SPAG17: variants seen among roughly 807,000 people sequenced by gnomAD.
SPAG17 encodes sperm associated antigen 17, also known as sperm-associated antigen 17.
In SPAG17, 169 loss-of-function variants were observed where a neutral mutation model predicts 273.6. The observed-to-expected ratio is 0.62, with a 90% CI of 0.55 to 0.70. The LOEUF (loss-of-function observed/expected upper bound fraction) is 0.70. Ranked by LOEUF, SPAG17 falls within the 30% of genes least tolerant of loss-of-function variation. The pLI, the probability that SPAG17 is intolerant of heterozygous loss-of-function variation, is 0.00. For synonymous variants in SPAG17, 825 were observed against 873.2 expected (o/e 0.94, Z 0.97); for missense variants, 2,557 against 2,627.8 (o/e 0.97, Z 0.59).
In SPAG17 at chr1:118,025,325, C is replaced by G; in HGVS notation, c.3822G>C (p.Thr1274=). ...QRVKHYEFYK[T]VMPPAEQEAS... is the part of the protein sequence containing the mutation. ...CCTCCTGCTCTGCGGGTGGCATCAC[C>G]GTTTTATAGAACTCATAGTGCTTCA... is the stretch of plus-strand genomic sequence containing the variant. The change falls in exon 27 of 49, where the codon ACG becomes ACC. Residue 1274 remains threonine, a synonymous_variant. Transcript: ENST00000336338. 1 of 1,613,522 alleles carries G rather than the reference C, an allele frequency of 6.2e-7. No homozygotes were observed. Among genetic ancestry groups the G allele is most frequent in the South Asian group, 1.1e-5 (1 of 91,016 alleles).
chr1:118,080,336 A>C (rs1308054749), intron 15 of SPAG17, among the ~76,000 whole-genome samples: 1 of 152,182 alleles, frequency 6.6e-6, no homozygotes, highest in East Asian at 1.9e-4. Context: ...TGGAGGATAT[A>C]TTGTGAGGGA....
At chr1:118,056,607 G>A (rs1193847557) in intron 18 of SPAG17, among the ~76,000 whole-genome samples, 1 of 152,106 alleles carries the variant, frequency 6.6e-6, no homozygotes, top group African/African-American at 2.4e-5. Flanking sequence ...GAGGACATTA[G>A]TTATAAGATT....
chr1:118,126,204 T>C (rs547156973), intron 3 of SPAG17, among the ~76,000 whole-genome samples: 7 of 39,064 alleles, frequency 1.8e-4, no homozygotes, highest in African/African-American at 3.8e-4. Flanking sequence ...TCCTTTATCC[T>C]TTTTTTTTTT....
chr1:118,018,897 T>A (rs936557046), intron 28 of SPAG17, among the ~76,000 whole-genome samples: 2 of 151,820 alleles, frequency 1.3e-5, no homozygotes, highest in Non-Finnish European at 1.5e-5. Context: ...ATAAACGGAC[T>A]AAAACATCTA....
chr1:117,970,341 C>G (rs1438576931), intron 45 of SPAG17, among the ~76,000 whole-genome samples: 1 of 152,234 alleles, frequency 6.6e-6, no homozygotes, highest in Non-Finnish European at 1.5e-5. Flanking sequence ...CGGGCTCCAA[C>G]CTGAGTTTCA....
intron 3 of SPAG17, among the ~76,000 whole-genome samples, chr1:118,142,668 C>G (rs1436049999): frequency 6.6e-6 from 1 of 152,124 alleles, no homozygotes; most frequent in African/African-American, 2.4e-5. Context: ...GTAATCACCA[C>G]TACAGCTTTA....
At chr1:118,146,517 T>C (rs1424502393) in intron 3 of SPAG17, among the ~76,000 whole-genome samples, 5 of 152,226 alleles carry the variant, frequency 3.3e-5, no homozygotes, top group Admixed American at 1.3e-4. Context: ...GCCATCAAAA[T>C]ATGTACGGAA....
At chr1:118,066,959 C>T in intron 17 of SPAG17, 60 bp from the exon 18 acceptor site, 1 of 1,478,378 alleles carries the variant, frequency 6.8e-7, no homozygotes, top group Non-Finnish European at 9.1e-7. Flanking sequence ...AGAAGGGTCT[C>T]CTACTAGGGC....
intron 42 of SPAG17, among the ~76,000 whole-genome samples, chr1:117,981,704 G>A (rs1655834310): frequency 6.6e-6 from 1 of 152,208 alleles, no homozygotes. Context: ...GTTGTGTTAT[G>A]TAGAAGAGGC....
chr1:118,039,013 G>C (rs12125194), intron 23 of SPAG17, among the ~76,000 whole-genome samples: 1 of 151,710 alleles, frequency 6.6e-6, no homozygotes, highest in Non-Finnish European at 1.5e-5. Context: ...ACATGTGTAC[G>C]GGAAGAGGGC....
At chr1:118,155,272 G>T (rs899909688) in intron 1 of SPAG17, among the ~76,000 whole-genome samples, 1 of 152,186 alleles carries the variant, frequency 6.6e-6, no homozygotes, top group African/African-American at 2.4e-5. Context: ...TAAATGCAGA[G>T]AAACTGGCTG....
In SPAG17 at chr1:118,091,648, T is replaced by G. The variant is rs753392925; in HGVS notation, c.1317A>C (p.Glu439Asp). 1 of 1,612,508 alleles carries G rather than the reference T, an allele frequency of 6.2e-7. No homozygotes were observed. Residue 439 changes from glutamate to aspartate, a missense_variant, in exon 10 of 49, where the codon GAA (glutamate) becomes GAC (aspartate). Physicochemically the swap from Glu to Asp is conservative, Grantham distance 45. Coordinates refer to ENST00000336338, the MANE Select transcript of SPAG17 (RefSeq NM_206996.4). Reference sequence around the variant, plus strand: ...GCAGTATCAGGGGCACAGAAATGAATTCCTCTCGAATTGGATTCAGCAAAT... The same window carrying G: ...GCAGTATCAGGGGCACAGAAATGAAGTCCTCTCGAATTGGATTCAGCAAAT... ...YNYLLNPIRE[E>D]FISVPLILHC... is the part of the protein sequence containing the mutation.
intron 18 of SPAG17, 56 bp downstream of exon 18, chr1:118,066,689 C>A: frequency 6.7e-7 from 1 of 1,482,940 alleles, no homozygotes; most frequent in Non-Finnish European, 9.2e-7. Flanking sequence ...AACTAAGTAA[C>A]TGGCAAGCTA....
At chr1:118,128,108 A>G (rs1558032478) in intron 3 of SPAG17, among the ~76,000 whole-genome samples, 1 of 152,136 alleles carries the variant, frequency 6.6e-6, no homozygotes, top group East Asian at 1.9e-4. Context: ...GCGACACAGC[A>G]AGATTCCATT....
At chr1:117,957,012 C>T (rs949756492) in intron 48 of SPAG17, 2 of 1,411,168 alleles carry the variant, frequency 1.4e-6, no homozygotes, top group South Asian at 3.0e-5. Context: ...TAAAAATTGA[C>T]CATGTTAACA....
At chr1:118,071,631 C>A (rs986643589) in intron 17 of SPAG17, among the ~76,000 whole-genome samples, 7 of 151,256 alleles carry the variant, frequency 4.6e-5, no homozygotes, top group African/African-American at 1.7e-4. Flanking sequence ...GGCGACACAG[C>A]GAGACATCAT....
intron 44 of SPAG17, among the ~76,000 whole-genome samples, chr1:117,973,012 C>T (rs560451921): frequency 1.3e-3 from 197 of 152,282 alleles, no homozygotes; most frequent in Non-Finnish European, 2.4e-3. Flanking sequence ...GTCATGGCAA[C>T]GGTGGCCAAT....
intron 29 of SPAG17, among the ~76,000 whole-genome samples, chr1:118,014,387 T>C (rs567637669): frequency 6.6e-6 from 1 of 152,262 alleles, no homozygotes; most frequent in East Asian, 1.9e-4. Context: ...AAATTAAAAG[T>C]TAACAAAGAA....
At chr1:118,085,184 G>A (rs1009204411) in intron 13 of SPAG17, among the ~76,000 whole-genome samples, 2 of 151,958 alleles carry the variant, frequency 1.3e-5, no homozygotes, top group East Asian at 1.9e-4. Flanking sequence ...AGATTATCTC[G>A]ATCCTCTTCT....
Sources: gnomAD v4.1 joint callset for allele counts (sites outside exome capture counted in the v4.1 genomes callset) on GRCh38, gnomAD v4.1.1 for gene constraint, MANE v1.5 for transcripts, NCBI Gene and HGNC (gene_info 2026-07-23, HGNC 2026-07-21) for gene names.